Variants in HIVEP3 observed in about 807,000 individuals in gnomAD.
The protein encoded by HIVEP3 is HIVEP zinc finger 3, also known as transcription factor HIVEP3.
HIVEP3 carries 49 observed loss-of-function variants against 152.8 expected under a neutral mutation model. That is an observed-to-expected ratio of 0.32 (90% CI 0.26 to 0.41). The LOEUF (loss-of-function observed/expected upper bound fraction) is 0.41, where lower values mean the gene tolerates loss of function less well. HIVEP3 is among the 10% of genes least tolerant of loss of function. The pLI is 1.00. For synonymous variants in HIVEP3, 1,269 were observed against 1,289.0 expected (o/e 0.98, Z 0.33); for missense variants, 2,790 against 3,103.3 (o/e 0.90, Z 2.40).
chr1:41,592,975 C>T (rs1644609681), intron 3 of HIVEP3, among the ~76,000 whole-genome samples: 1 of 152,192 alleles, frequency 6.6e-6, no homozygotes, highest in African/African-American at 2.4e-5. Context: ...GTCACCACCT[C>T]CACCCCTGTC....
At chr1:41,902,991 A>T (rs1486006413) in intron 1 of HIVEP3, among the ~76,000 whole-genome samples, 1 of 152,258 alleles carries the variant, frequency 6.6e-6, no homozygotes, top group Non-Finnish European at 1.5e-5. Context: ...AATACTTAGA[A>T]GTCAAAGCAT....
rs769780799 is a variant in HIVEP3, at chr1:41,513,220, G to C, written c.6001C>G (p.Arg2001Gly). The change falls in exon 8 of 9, where the codon CGA (arginine) becomes GGA (glycine). Residue 2001 changes from arginine to glycine, a missense_variant. By Grantham distance (125) the Arg-to-Gly change is moderately radical. Coordinates refer to ENST00000372583, the MANE Select transcript of HIVEP3 (RefSeq NM_024503.5). ...DSSPQRCSPA[R>G]EPQASAPSPP... Reference sequence around the variant, plus strand: ...CTTGGGGCTGAGGCCTGTGGTTCTCGGGCCGGGGAGCATCGCTGGGGAGAT... The same window carrying C: ...CTTGGGGCTGAGGCCTGTGGTTCTCCGGCCGGGGAGCATCGCTGGGGAGAT... The C allele has an allele frequency of 4.3e-6, 7 of 1,613,688 alleles. No homozygotes were observed. Among genetic ancestry groups the C allele is most frequent in the Admixed American group, 3.3e-5 (2 of 60,026 alleles).
chr1:41,879,492 T>G (rs941681256), intron 1 of HIVEP3, among the ~76,000 whole-genome samples: 3 of 152,220 alleles, frequency 2.0e-5, no homozygotes, highest in African/African-American at 4.8e-5. Context: ...AATATAAGTT[T>G]CCTTATTGAA....
At chr1:41,567,488 T>A (rs12071552) in intron 5 of HIVEP3, among the ~76,000 whole-genome samples, 1 of 152,186 alleles carries the variant, frequency 6.6e-6, no homozygotes, top group Non-Finnish European at 1.5e-5. Context: ...CCCCAGCCCA[T>A]TGGGCCATGC....
intron 3 of HIVEP3, among the ~76,000 whole-genome samples, chr1:41,621,933 A>G (rs569463296): frequency 5.3e-5 from 8 of 152,292 alleles, no homozygotes; most frequent in African/African-American, 7.2e-5. Flanking sequence ...ACCTTCCTCT[A>G]TCAAGCTCAG....
chr1:41,665,930 A>T (rs1196950799), intron 2 of HIVEP3, among the ~76,000 whole-genome samples: 2 of 152,168 alleles, frequency 1.3e-5, no homozygotes, highest in Admixed American at 1.3e-4. Context: ...GGAGCTAGGG[A>T]CCAGCACAGT....
At chr1:41,739,269 A>T (rs1428022229) in intron 1 of HIVEP3, among the ~76,000 whole-genome samples, 1 of 152,152 alleles carries the variant, frequency 6.6e-6, no homozygotes, top group Non-Finnish European at 1.5e-5. Flanking sequence ...GCAAACGGGG[A>T]ACTCCAGGAA....
intron 1 of HIVEP3, among the ~76,000 whole-genome samples, chr1:42,013,129 T>C (rs1325071607): frequency 6.6e-6 from 1 of 152,214 alleles, no homozygotes; most frequent in African/African-American, 2.4e-5. Context: ...TCTAGGCCTC[T>C]CTCCTTGGCT....
At chr1:41,929,891 T>C (rs1166751870) in intron 1 of HIVEP3, among the ~76,000 whole-genome samples, 1 of 151,852 alleles carries the variant, frequency 6.6e-6, no homozygotes, top group Non-Finnish European at 1.5e-5. Context: ...TATTTGCTTA[T>C]CTGTTCATTC....
At chr1:41,777,485 C>T (rs1014386113) in intron 1 of HIVEP3, among the ~76,000 whole-genome samples, 4 of 152,214 alleles carry the variant, frequency 2.6e-5, no homozygotes, top group African/African-American at 9.7e-5. Flanking sequence ...TTCAAACCCC[C>T]AAACCCACCA....
In HIVEP3 at chr1:41,536,015, A is replaced by G. The variant is rs1376317318; in HGVS notation, c.5208-11105T>C. 3.3e-5 allele frequency: 5 copies of G among 152,188 alleles called. No homozygotes were observed. In the East Asian group the frequency reaches 9.6e-4, roughly 29 times the overall value. 9.4% of individuals were successfully genotyped at this position (152,188 alleles called of 1,614,324 possible). A position where few individuals can be genotyped will look rare whatever the true frequency, so the allele number is the denominator to read the frequency against. On this transcript the variant is annotated intron_variant, in intron 5 of 8. Coordinates refer to ENST00000372583, the MANE Select transcript of HIVEP3 (RefSeq NM_024503.5). The stretch of plus-strand genomic sequence containing the variant: ...TGTAGCAGACCCACAGCTTCTGCTA[A>G]GCACAAAGGAACTCGGCACAGAGCC...
intron 1 of HIVEP3, among the ~76,000 whole-genome samples, chr1:41,834,182 T>C (rs748665059): frequency 6.6e-6 from 1 of 152,176 alleles, no homozygotes; most frequent in Non-Finnish European, 1.5e-5. Context: ...CAGAGAAGTA[T>C]GAAGTCTTTG....
In HIVEP3 at chr1:41,510,685, G is replaced by T. The variant is rs570598805; in HGVS notation, c.6987C>A (p.Ser2329Arg). Residue 2329 changes from serine to arginine, a missense_variant, in exon 9 of 9, where the codon AGC (serine) becomes AGA (arginine). Ser to Arg is a moderately radical substitution (Grantham distance 110). This residue lies in a region of HIVEP3 where 816 missense variants were observed against 806.5 expected (regional missense o/e 1.01). Coordinates refer to ENST00000372583, the MANE Select transcript of HIVEP3 (RefSeq NM_024503.5). Reference protein sequence around the residue: ...PQGRRAAQSWSPRLESPRAPT... With the variant: ...PQGRRAAQSWRPRLESPRAPT... ...GTGCACGCGGGGACTCCAAGCGGGG[G>T]CTCCAGGACTGCGCTGCCCGGCGTC... is the stretch of plus-strand genomic sequence containing the variant. The T allele has an allele frequency of 2.6e-6, 4 of 1,520,430 alleles. No individual in the cohort carries two copies. Among genetic ancestry groups the T allele is most frequent in the South Asian group, 2.5e-5 (2 of 80,842 alleles). 94.2% of individuals were successfully genotyped at this position (1,520,430 alleles called of 1,614,324 possible).
At chr1:41,603,511 C>T (rs1175841809) in intron 3 of HIVEP3, among the ~76,000 whole-genome samples, 1 of 152,000 alleles carries the variant, frequency 6.6e-6, no homozygotes, top group Non-Finnish European at 1.5e-5. Context: ...AGGCACCTGC[C>T]ACCATGCCCA....
At chr1:41,884,333 A>G (rs1219066102) in intron 1 of HIVEP3, among the ~76,000 whole-genome samples, 1 of 152,184 alleles carries the variant, frequency 6.6e-6, no homozygotes, top group Non-Finnish European at 1.5e-5. Flanking sequence ...ATGGTGTTGC[A>G]CCAGACTAAC....
At chr1:41,613,701 C>G (rs1047149342) in intron 3 of HIVEP3, among the ~76,000 whole-genome samples, 1 of 152,176 alleles carries the variant, frequency 6.6e-6, no homozygotes, top group Non-Finnish European at 1.5e-5. Flanking sequence ...TATTGAGATA[C>G]AATTCACATA....
chr1:41,748,976 A>G (rs1647113793), intron 1 of HIVEP3, among the ~76,000 whole-genome samples: 1 of 152,122 alleles, frequency 6.6e-6, no homozygotes, highest in Non-Finnish European at 1.5e-5. Context: ...AGCATCTGAG[A>G]CAGGTGCCAC....
chr1:41,937,252 G>A (rs932826834), intron 1 of HIVEP3, among the ~76,000 whole-genome samples: 1 of 152,076 alleles, frequency 6.6e-6, no homozygotes, highest in South Asian at 2.1e-4. Flanking sequence ...TTCACATGGA[G>A]CCTACCCCTC....
At chr1:41,928,923 A>G (rs1340952469) in intron 1 of HIVEP3, among the ~76,000 whole-genome samples, 1 of 152,112 alleles carries the variant, frequency 6.6e-6, no homozygotes, top group Non-Finnish European at 1.5e-5. Flanking sequence ...AGGCAGGAGG[A>G]TTGCTTGAGC....
Sources: allele counts gnomAD v4.1 joint callset (sites outside exome capture counted in the v4.1 genomes callset), GRCh38; gene constraint gnomAD v4.1.1; regional missense constraint gnomAD v4.1.1; transcripts MANE v1.5; gene names NCBI Gene and HGNC (gene_info 2026-07-23, HGNC 2026-07-21).